FBXL7: variants seen among roughly 807,000 people sequenced by gnomAD.
The protein encoded by FBXL7 is F-box/LRR-repeat protein 7.
FBXL7 carries 12 observed loss-of-function variants against 38.3 expected under a neutral mutation model. The ratio of observed to expected loss-of-function variants is 0.31; its 90% confidence interval spans 0.20 to 0.51. The LOEUF is 0.51. Ranked by LOEUF, FBXL7 falls within the 20% of genes least tolerant of loss-of-function variation. The probability of loss-of-function intolerance (pLI) is 0.98; values close to 1 mark genes in which losing one functional copy is unlikely to be tolerated. For synonymous variants in FBXL7, 297 were observed against 300.9 expected, an observed-to-expected ratio of 0.99 and a Z score of 0.13; for missense variants, 567 against 676.4, an observed-to-expected ratio of 0.84 and a Z score of 1.79.
At chr5:15,902,523 T>C (rs994111181) in intron 2 of FBXL7, among the ~76,000 whole-genome samples, 3 of 152,240 alleles carry the variant, frequency 2.0e-5, no homozygotes, top group Non-Finnish European at 2.9e-5. Flanking sequence ...GTTGGTACAA[T>C]CCAGATTTCA....
chr5:15,641,027 G>A (rs13177182), intron 2 of FBXL7, among the ~76,000 whole-genome samples: 23,508 of 152,182 alleles, frequency 0.15, 1,982 homozygotes, highest in Non-Finnish European at 0.19. Flanking sequence ...ATAGTCCCAC[G>A]CTGGGATTTA....
chr5:15,609,236 G>A (rs960177725), intron 1 of FBXL7, among the ~76,000 whole-genome samples: 3 of 152,172 alleles, frequency 2.0e-5, no homozygotes, highest in Non-Finnish European at 4.4e-5. Context: ...ACAGCTAATG[G>A]AGAGGTCAAG....
intron 2 of FBXL7, among the ~76,000 whole-genome samples, chr5:15,888,055 C>T (rs1409565830): frequency 6.6e-6 from 1 of 152,088 alleles, no homozygotes; most frequent in Non-Finnish European, 1.5e-5. Context: ...CAATCTGAGA[C>T]AGCAAATTAA....
Position 15,793,902 on chromosome 5 carries a change from G to A in FBXL7, c.128-133988G>A, listed in dbSNP as rs147552745. On this transcript the variant is annotated intron_variant, in intron 2 of 3. Coordinates refer to ENST00000504595, the MANE Select transcript of FBXL7 (RefSeq NM_012304.5). ...CACAACTACAGCATGAAACTTTAAC[G>A]ACTTTAAATCCCTAGCCATGTGCGC... 1.6e-3 allele frequency among the ~76,000 whole-genome samples: 240 copies of A among 152,268 alleles called. 1 individual carries two copies. The highest frequency in any genetic ancestry group is 5.5e-3 in the African/African-American group (227 of 41,550).
chr5:15,915,438 C>A (rs1347575798), intron 2 of FBXL7, among the ~76,000 whole-genome samples: 1 of 152,176 alleles, frequency 6.6e-6, no homozygotes, highest in Non-Finnish European at 1.5e-5. Context: ...TTTCGGCCTC[C>A]GTCTTCACAG....
intron 2 of FBXL7, among the ~76,000 whole-genome samples, chr5:15,712,934 A>G (rs930935394): frequency 6.6e-6 from 1 of 152,164 alleles, no homozygotes; most frequent in African/African-American, 2.4e-5. Context: ...TGTCTAAATT[A>G]TCTGGTCTAG....
At chr5:15,506,116 T>C (rs188025185) in intron 1 of FBXL7, among the ~76,000 whole-genome samples, 1 of 152,278 alleles carries the variant, frequency 6.6e-6, no homozygotes, top group Non-Finnish European at 1.5e-5. Flanking sequence ...ATACAATTTT[T>C]TTTTTTTCCT....
At chr5:15,631,905 A>T (rs1741011586) in intron 2 of FBXL7, among the ~76,000 whole-genome samples, 1 of 152,104 alleles carries the variant, frequency 6.6e-6, no homozygotes, top group African/African-American at 2.4e-5. Flanking sequence ...TGCCAAAATA[A>T]ATGCTTAATG....
At chr5:15,677,211 G>A (rs1180381218) in intron 2 of FBXL7, among the ~76,000 whole-genome samples, 1 of 152,122 alleles carries the variant, frequency 6.6e-6, no homozygotes, top group Non-Finnish European at 1.5e-5. Context: ...GGCTCACGCC[G>A]GAAATCCCAA....
At chr5:15,550,364 T>C (rs141687446) in intron 1 of FBXL7, among the ~76,000 whole-genome samples, 2 of 152,196 alleles carry the variant, frequency 1.3e-5, no homozygotes, top group East Asian at 1.9e-4. Context: ...GATGGTGTGA[T>C]TGGTAGCTGA....
At chr5:15,769,960 T>C (rs1216385100) in intron 2 of FBXL7, among the ~76,000 whole-genome samples, 2 of 152,244 alleles carry the variant, frequency 1.3e-5, no homozygotes, top group Non-Finnish European at 2.9e-5. Flanking sequence ...GAGATAAGAA[T>C]ATTTCATGAA....
At chr5:15,935,760 C>T (rs1742165509) in intron 3 of FBXL7, among the ~76,000 whole-genome samples, 1 of 152,208 alleles carries the variant, frequency 6.6e-6, no homozygotes, top group Non-Finnish European at 1.5e-5. Context: ...AATATATTCA[C>T]TTCCCATAGC....
At chr5:15,502,869 G>C (rs1736536495) in intron 1 of FBXL7, among the ~76,000 whole-genome samples, 1 of 152,126 alleles carries the variant, frequency 6.6e-6, no homozygotes, top group Non-Finnish European at 1.5e-5. Context: ...GCAACCCCTA[G>C]ACATAGTATC....
chr5:15,851,850 A>ACACACACACACACACG (rs113175311), intron 2 of FBXL7, among the ~76,000 whole-genome samples: 1 of 142,258 alleles, frequency 7.0e-6, no homozygotes, highest in Non-Finnish European at 1.6e-5. Context: ...ACACACACAC[A>ACACACACACACACACG]AAGTTCCTTG....
rs1420287915 is a variant in FBXL7, at chr5:15,913,066, A to G, written c.128-14824A>G. Among the ~76,000 whole-genome samples, 4 of 152,276 alleles carry G rather than the reference A, an allele frequency of 2.6e-5. No homozygotes were observed. The South Asian group carries it at 6.2e-4, about 24-fold the overall frequency. On this transcript the variant is annotated intron_variant, in intron 2 of 3. Transcript: ENST00000504595. Reference sequence around the variant, plus strand: ...TATAGAAAGAATAAAATGTTTCTCTATATCCTTGGGTCACTGGTTTTTCCA... The same window carrying G: ...TATAGAAAGAATAAAATGTTTCTCTGTATCCTTGGGTCACTGGTTTTTCCA...
At chr5:15,551,283 T>A (rs7737638) in intron 1 of FBXL7, among the ~76,000 whole-genome samples, 4 of 152,352 alleles carry the variant, frequency 2.6e-5, no homozygotes, top group African/African-American at 9.6e-5. Context: ...TACGTTGCCA[T>A]GGAACTCCTT....
At chr5:15,865,319 A>G (rs1169919692) in intron 2 of FBXL7, among the ~76,000 whole-genome samples, 1 of 152,166 alleles carries the variant, frequency 6.6e-6, no homozygotes, top group Non-Finnish European at 1.5e-5. Flanking sequence ...TACCATAGCT[A>G]TCCATAATGA....
chr5:15,750,747 C>G (rs1736133542), intron 2 of FBXL7, among the ~76,000 whole-genome samples: 1 of 152,098 alleles, frequency 6.6e-6, no homozygotes, highest in South Asian at 2.1e-4. Flanking sequence ...GGCTGCCTTA[C>G]TCCAGTTTCT....
At chr5:15,847,851 G>GC (rs1203684657) in intron 2 of FBXL7, among the ~76,000 whole-genome samples, 1 of 152,136 alleles carries the variant, frequency 6.6e-6, no homozygotes. Context: ...GGAGCAGAGA[G>GC]CCACCCGCAG....
Sources: allele counts gnomAD v4.1 joint callset (sites outside exome capture counted in the v4.1 genomes callset), GRCh38; gene constraint gnomAD v4.1.1; transcripts MANE v1.5; gene names NCBI Gene and HGNC (gene_info 2026-07-23, HGNC 2026-07-21).